Variants in TBC1D21 observed in about 807,000 individuals in gnomAD.
TBC1D21 encodes the protein TBC1 domain family member 21.
A neutral mutation model predicts 46.0 loss-of-function variants in TBC1D21; 38 were observed. The observed-to-expected ratio is 0.83, with a 90% CI of 0.64 to 1.08. The LOEUF is 1.08. Among genes scored for constraint, TBC1D21 ranks in the 50% least tolerant of loss-of-function variants. The pLI is 0.00. For synonymous variants in TBC1D21, 151 were observed against 157.2 expected (o/e 0.96, Z 0.29); for missense variants, 415 against 417.9 (o/e 0.99, Z 0.06).
chr15:73,901,378 C>T, the TBC1D21 span, among the ~76,000 whole-genome samples: 1 of 152,220 alleles, frequency 6.6e-6, no homozygotes, highest in South Asian at 2.1e-4. Flanking sequence ...CTGCAACTGC[C>T]CACCTCTGCT....
the TBC1D21 span, among the ~76,000 whole-genome samples, chr15:73,901,389 C>T: frequency 6.6e-6 from 1 of 152,252 alleles, no homozygotes; most frequent in Non-Finnish European, 1.5e-5. Flanking sequence ...CACCTCTGCT[C>T]TTCTCTCCCC....
chr15:73,887,564 C>A, intron 8 of TBC1D21, 56 bp from the exon 9 acceptor site: 1 of 1,516,254 alleles, frequency 6.6e-7, no homozygotes, highest in Non-Finnish European at 9.2e-7. Context: ...TCACCATCCT[C>A]AGGGCATCTG....
In TBC1D21 at chr15:73,887,703, G is replaced by T. The variant is rs1445070156; in HGVS notation, c.861G>T (p.Leu287=). 1.2e-6 allele frequency: 2 copies of T among 1,613,868 alleles called. No homozygotes were observed. The highest frequency in any genetic ancestry group is 3.3e-5 in the Admixed American group (2 of 60,008). The change falls in exon 9 of 11, where the codon CTG becomes CTT. Residue 287 remains leucine (L), a synonymous_variant. Transcript: ENST00000300504. ...SMLQMVREQV[L]QESMGGDDIL... is the part of the protein sequence containing the mutation. ...TGCAGATGGTGCGGGAGCAGGTGCTGCAGGAAAGCATGGGCGGGGATGACA... is the reference window on the plus strand; with the variant it reads ...TGCAGATGGTGCGGGAGCAGGTGCTTCAGGAAAGCATGGGCGGGGATGACA...
rs2068057275 is a variant in TBC1D21 at position 73,876,199 on chromosome 15, G to GGTGTTTTTTTT, written c.60+2430_60+2431insGTGTTTTTTTT. ...GAAGAATCAGTGACTTTTTTTGTGG[G>GGTGTTTTTTTT]TTTTTTTTTTTTTTTTTTTTTTTTT... is the stretch of plus-strand genomic sequence containing the variant. On this transcript the variant is annotated intron_variant, in intron 1 of 10. Transcript: ENST00000300504. Among the ~76,000 whole-genome samples the GGTGTTTTTTTT allele has an allele frequency of 4.9e-4, 14 of 28,314 alleles. 4 individuals carry two copies. Among genetic ancestry groups the GGTGTTTTTTTT allele is most frequent in the Non-Finnish European group, 1.9e-3 (10 of 5,336 alleles). The allele number at this position is 28,314 out of a possible 152,430, so 18.6% of individuals were successfully genotyped here. A position where few individuals can be genotyped will look rare whatever the true frequency, so the allele number is the denominator to read the frequency against.
chr15:73,908,516 A>T, the TBC1D21 span: 1 of 152,656 alleles, frequency 6.6e-6, no homozygotes, highest in African/African-American at 2.4e-5. Context: ...ACCTAGCCAG[A>T]GCAGGTGCAG....
At chr15:73,883,462 C>T (rs12915956) in intron 3 of TBC1D21, among the ~76,000 whole-genome samples, 40,545 of 152,176 alleles carry the variant, frequency 0.27, 6,224 homozygotes, top group East Asian at 0.69. Flanking sequence ...GTGTGGCTCC[C>T]GGTGTTCCTC....
intron 6 of TBC1D21, 102 bp downstream of exon 6, chr15:73,885,205 C>A: frequency 9.2e-7 from 1 of 1,086,888 alleles, no homozygotes; most frequent in Non-Finnish European, 1.4e-6. Flanking sequence ...CCAGCCATTC[C>A]TTCCAGGCTT....
chr15:73,894,959 T>G, the TBC1D21 span, among the ~76,000 whole-genome samples: 1 of 152,150 alleles, frequency 6.6e-6, no homozygotes, highest in African/African-American at 2.4e-5. Context: ...GGGGAAGAGA[T>G]TCACAACCAG....
chr15:73,884,237 A>G lies in TBC1D21; in HGVS notation c.359A>G (p.Asn120Ser), dbSNP rs146526944. The change falls in exon 4 of 11, where the codon AAT (asparagine) becomes AGT (serine). Residue 120 changes from asparagine to serine, a missense_variant. Coordinates refer to ENST00000300504, the MANE Select transcript of TBC1D21 (RefSeq NM_153356.3). ...CACCGGAACTTCACAGAGACTCGCA[A>G]TAACATTGGTGAGCAAAGTGGGGTG... The part of the protein sequence containing the change: ...NLHRNFTETR[N>S]NIARDIQKIY... 2 of 1,614,194 alleles carry G rather than the reference A, an allele frequency of 1.2e-6. No homozygotes were observed. The highest frequency in any genetic ancestry group is 1.7e-5 in the Admixed American group (1 of 60,030).
the TBC1D21 span, among the ~76,000 whole-genome samples, chr15:73,897,100 G>A: frequency 2.2e-4 from 34 of 152,194 alleles, 1 homozygote; most frequent in South Asian, 7.1e-3. Flanking sequence ...ACCTCATCTT[G>A]GTCGCCGCAC....
At chr15:73,883,105 C>T (rs1190559160) in intron 3 of TBC1D21, among the ~76,000 whole-genome samples, 1 of 152,224 alleles carries the variant, frequency 6.6e-6, no homozygotes, top group Non-Finnish European at 1.5e-5. Context: ...GACTATGTAG[C>T]CTGGGCTGGA....
At chr15:73,881,273 A>G in intron 1 of TBC1D21, 126 bp from the exon 2 acceptor site, 2 of 658,300 alleles carry the variant, frequency 3.0e-6, no homozygotes, top group African/African-American at 1.8e-5. Flanking sequence ...CTCAAGATAG[A>G]TTTCCGAAGT....
chr15:73,898,880 A>AAAAATATATATATATATATAT, the TBC1D21 span, among the ~76,000 whole-genome samples: 75 of 56,686 alleles, frequency 1.3e-3, no homozygotes, highest in Non-Finnish European at 2.2e-3. Context: ...AAAAAAAAAA[A>AAAAATATATATATATATATAT]ATATATATAT....
chr15:73,898,880 A>AATATATATATAT, the TBC1D21 span, among the ~76,000 whole-genome samples: 24 of 56,782 alleles, frequency 4.2e-4, no homozygotes, highest in African/African-American at 7.5e-4. Context: ...AAAAAAAAAA[A>AATATATATATAT]ATATATATAT....
At chr15:73,883,000 T>C (rs944679378) in intron 3 of TBC1D21, among the ~76,000 whole-genome samples, 8 of 152,216 alleles carry the variant, frequency 5.3e-5, no homozygotes, top group Non-Finnish European at 1.5e-5. Context: ...TGCCTGTCCA[T>C]GGGAGGGCTC....
intron 6 of TBC1D21, among the ~76,000 whole-genome samples, 170 bp from the exon 7 acceptor site, chr15:73,885,908 G>C (rs2068236710): frequency 1.3e-5 from 2 of 151,758 alleles, no homozygotes; most frequent in Admixed American, 1.3e-4. Context: ...CAGTCACATA[G>C]ATATGTATGC....
chr15:73,905,059 G>A, the TBC1D21 span, among the ~76,000 whole-genome samples: 18,431 of 152,210 alleles, frequency 0.12, 1,453 homozygotes, highest in Non-Finnish European at 0.17. Context: ...CCAGGAGGGT[G>A]CAGCCCAGGC....
At chr15:73,903,784 G>A in the TBC1D21 span, among the ~76,000 whole-genome samples, 20 of 152,156 alleles carry the variant, frequency 1.3e-4, no homozygotes, top group Non-Finnish European at 2.4e-4. Context: ...GGCTGGGCAC[G>A]GTGGCTCTTG....
intron 1 of TBC1D21, among the ~76,000 whole-genome samples, chr15:73,875,318 A>G (rs2068041603): frequency 7.4e-6 from 1 of 134,500 alleles, no homozygotes; most frequent in Non-Finnish European, 1.6e-5. Context: ...GAAGGGAAGG[A>G]AGGAAGGGAG....
Sources: gnomAD v4.1 joint callset for allele counts (sites outside exome capture counted in the v4.1 genomes callset) on GRCh38, gnomAD v4.1.1 for gene constraint, MANE v1.5 for transcripts, NCBI Gene and HGNC (gene_info 2026-07-23, HGNC 2026-07-21) for gene names.